ODAD2: variants seen among roughly 807,000 people sequenced by gnomAD.
ODAD2 encodes the protein outer dynein arm-docking complex subunit 2.
A neutral mutation model predicts 106.8 loss-of-function variants in ODAD2; 89 were observed. That is an observed-to-expected ratio of 0.83 (90% CI 0.70 to 0.99). The LOEUF (loss-of-function observed/expected upper bound fraction) is 0.99. ODAD2 is among the 50% of genes least tolerant of loss of function. The pLI, the probability that ODAD2 is intolerant of heterozygous loss-of-function variation, is 0.00. For synonymous variants in ODAD2, 404 were observed against 436.2 expected, an observed-to-expected ratio of 0.93 and a Z score of 0.92; for missense variants, 1,168 against 1,238.5, an observed-to-expected ratio of 0.94 and a Z score of 0.85.
chr10:27,941,565 C>T (rs1241046778), intron 12 of ODAD2, among the ~76,000 whole-genome samples: 3 of 146,212 alleles, frequency 2.1e-5, no homozygotes, highest in African/African-American at 7.5e-5. Context: ...CTGAAACCAA[C>T]CAAACCAAAC....
chr10:27,969,425 T>G (rs1446405410), intron 8 of ODAD2, among the ~76,000 whole-genome samples: 1 of 152,308 alleles, frequency 6.6e-6, no homozygotes, highest in Non-Finnish European at 1.5e-5. Context: ...TGGCATTCTG[T>G]GTTCTCCCTT....
At chr10:27,950,282 G>C (rs931900353) in intron 10 of ODAD2, among the ~76,000 whole-genome samples, 1 of 152,142 alleles carries the variant, frequency 6.6e-6, no homozygotes, top group Non-Finnish European at 1.5e-5. Flanking sequence ...CTTCTCCCAG[G>C]ATCAGAAATG....
intron 19 of ODAD2, among the ~76,000 whole-genome samples, chr10:27,835,041 G>A (rs113485953): frequency 1.2e-4 from 19 of 152,288 alleles, no homozygotes; most frequent in Admixed American, 4.6e-4. Context: ...CAGGGGTTGC[G>A]GCACAGCACA....
intron 17 of ODAD2, among the ~76,000 whole-genome samples, chr10:27,869,839 A>T (rs1186313311): frequency 6.6e-6 from 1 of 152,100 alleles, no homozygotes; most frequent in Non-Finnish European, 1.5e-5. Flanking sequence ...CTGGCCGACC[A>T]AGTCACTTCT....
intron 16 of ODAD2, among the ~76,000 whole-genome samples, chr10:27,933,190 C>T (rs1377427898): frequency 1.3e-5 from 2 of 152,150 alleles, no homozygotes; most frequent in African/African-American, 4.8e-5. Context: ...TTTGAAGTTG[C>T]AGCAAGCTAT....
chr10:27,979,889 A>T (rs1437738211), intron 7 of ODAD2, among the ~76,000 whole-genome samples: 1 of 152,232 alleles, frequency 6.6e-6, no homozygotes, highest in East Asian at 1.9e-4. Flanking sequence ...AGTGTCAAGG[A>T]ATACCGAATA....
At chr10:27,901,577 G>A (rs1206137923) in intron 17 of ODAD2, among the ~76,000 whole-genome samples, 1 of 152,120 alleles carries the variant, frequency 6.6e-6, no homozygotes, top group Admixed American at 6.5e-5. Context: ...CATCTTACGT[G>A]CAAAGACAGA....
chr10:27,880,590 A>G (rs1475433763), intron 17 of ODAD2, among the ~76,000 whole-genome samples: 1 of 152,160 alleles, frequency 6.6e-6, no homozygotes, highest in Admixed American at 6.6e-5. Flanking sequence ...AGTCATGAGG[A>G]TGGAGCTCTA....
chr10:27,893,927 A>G (rs1842713069), intron 17 of ODAD2, among the ~76,000 whole-genome samples: 1 of 152,122 alleles, frequency 6.6e-6, no homozygotes, highest in Non-Finnish European at 1.5e-5. Context: ...AGGTGGGTGG[A>G]TCACCTGGAG....
intron 19 of ODAD2, among the ~76,000 whole-genome samples, chr10:27,843,124 A>G (rs924431657): frequency 1.3e-5 from 2 of 152,248 alleles, no homozygotes; most frequent in Non-Finnish European, 2.9e-5. Flanking sequence ...GGAAACTTTT[A>G]TCTAAAATAA....
intron 17 of ODAD2, among the ~76,000 whole-genome samples, chr10:27,881,849 A>G (rs187762785): frequency 1.6e-4 from 24 of 152,242 alleles, no homozygotes; most frequent in Admixed American, 6.5e-4. Context: ...GTTTCACATT[A>G]TAATTACTTG....
chr10:27,995,579 C>T (rs1345259479), intron 1 of ODAD2: 1 of 165,050 alleles, frequency 6.1e-6, no homozygotes, highest in East Asian at 1.7e-4. Flanking sequence ...ACAAACATTC[C>T]TTTCAGCCAG....
chr10:27,847,428 A>C (rs531184537), intron 19 of ODAD2, among the ~76,000 whole-genome samples: 1 of 152,364 alleles, frequency 6.6e-6, no homozygotes, highest in African/African-American at 2.4e-5. Flanking sequence ...GTATCTCAAA[A>C]TAATAAGAGC....
intron 9 of ODAD2, among the ~76,000 whole-genome samples, chr10:27,963,115 C>T (rs930678779): frequency 2.0e-5 from 3 of 151,890 alleles, no homozygotes; most frequent in Non-Finnish European, 4.4e-5. Context: ...TCATGTGATT[C>T]TCCTGCCTCA....
intron 19 of ODAD2, among the ~76,000 whole-genome samples, chr10:27,845,992 C>G (rs1838718898): frequency 6.6e-6 from 1 of 152,202 alleles, no homozygotes; most frequent in African/African-American, 2.4e-5. Flanking sequence ...TAACACCCCA[C>G]TGTCAACATT....
chr10:27,913,511 T>TGCACA (rs1208930699), intron 16 of ODAD2, among the ~76,000 whole-genome samples: 1 of 152,174 alleles, frequency 6.6e-6, no homozygotes, highest in Non-Finnish European at 1.5e-5. Flanking sequence ...AGAGAGCTTC[T>TGCACA]GCACAGCAAA....
At chr10:27,987,750 C>A (rs566418670) in intron 2 of ODAD2, among the ~76,000 whole-genome samples, 1 of 151,748 alleles carries the variant, frequency 6.6e-6, no homozygotes, top group Admixed American at 6.6e-5. Context: ...GCCTAGTGAC[C>A]AATAGGATAT....
At chr10:27,833,330 G>A (rs1316500710) in intron 19 of ODAD2, among the ~76,000 whole-genome samples, 3 of 151,752 alleles carry the variant, frequency 2.0e-5, no homozygotes, top group Non-Finnish European at 2.9e-5. Context: ...GTCGTACTTC[G>A]CAATGATTGC....
Position 27,914,759 on chromosome 10 carries a change from T to A in ODAD2, c.2496-6982A>T, listed in dbSNP as rs546157292. Among the ~76,000 whole-genome samples the A allele has an allele frequency of 7.9e-5, 12 of 152,154 alleles. No homozygotes were observed. In the East Asian group the frequency reaches 2.3e-3, roughly 29 times the overall value. ...TTTATATATGTATATAAAATGGAAATGCTATATTTGAAAACTACAGTATTA... is the reference window on the plus strand; with the variant it reads ...TTTATATATGTATATAAAATGGAAAAGCTATATTTGAAAACTACAGTATTA... On this transcript the variant is annotated intron_variant, in intron 16 of 19. Coordinates refer to ENST00000305242, the MANE Select transcript of ODAD2 (RefSeq NM_018076.5).
Sources: gnomAD v4.1 joint callset for allele counts (sites outside exome capture counted in the v4.1 genomes callset) on GRCh38, gnomAD v4.1.1 for gene constraint, MANE v1.5 for transcripts, NCBI Gene and HGNC (gene_info 2026-07-23, HGNC 2026-07-21) for gene names.